The following ORC1 variants were observed in gnomAD, a reference collection of about 807,000 sequenced individuals.
ORC1 encodes origin recognition complex, subunit 1 homolog.
A neutral mutation model predicts 98.9 loss-of-function variants in ORC1; 61 were observed. The ratio of observed to expected loss-of-function variants is 0.62; its 90% CI spans 0.50 to 0.76. The LOEUF (loss-of-function observed/expected upper bound fraction) is 0.76, where lower values mean the gene tolerates loss of function less well. Among genes scored for constraint, ORC1 ranks in the 30% least tolerant of loss-of-function variants. ORC1 has a pLI of 0.00. For missense variants in ORC1, 979 were observed against 1,072.2 expected (o/e 0.91, Z 1.21); for synonymous variants, 385 against 406.9 (o/e 0.95, Z 0.65).
chr1:52,391,806 G>A (rs1047583644), intron 6 of ORC1, among the ~76,000 whole-genome samples: 6 of 150,936 alleles, frequency 4.0e-5, no homozygotes, highest in African/African-American at 1.2e-4. Flanking sequence ...GTTGAGGCAG[G>A]AGAATTGCTT....
intron 14 of ORC1, 109 bp from the exon 15 acceptor site, chr1:52,375,708 G>A (rs1194549099): frequency 1.0e-6 from 1 of 994,544 alleles, no homozygotes; most frequent in Non-Finnish European, 1.6e-6. Context: ...ACTTAGCCCT[G>A]GCAGGGAACC....
Position 52,397,743 on chromosome 1 carries a change from T to C in ORC1, c.344A>G (p.Tyr115Cys). ...RKPGAQEIFW[Y>C]DYPACDSNIN... ...GTTGCTGTCACAGGCCGGGTAATCATACCAGAATATTTCCTGTGCACCAGG... is the reference window on the plus strand; with the variant it reads ...GTTGCTGTCACAGGCCGGGTAATCACACCAGAATATTTCCTGTGCACCAGG... Residue 115 changes from tyrosine to cysteine, a missense_variant, in exon 4 of 17, where the codon TAT (tyrosine) becomes TGT (cysteine). Physicochemically the swap from Tyr to Cys is radical, Grantham distance 194. Coordinates refer to ENST00000371568, the MANE Select transcript of ORC1 (RefSeq NM_004153.4). 6.2e-7 allele frequency: 1 copy of C among 1,614,236 alleles called. No homozygotes were observed. Among genetic ancestry groups the C allele is most frequent in the Non-Finnish European group, 8.5e-7 (1 of 1,180,044 alleles).
At chr1:52,381,950 CTAT>C (rs1160155436) in intron 13 of ORC1, among the ~76,000 whole-genome samples, 189 bp from the exon 14 acceptor site, 2 of 152,082 alleles carry the variant, frequency 1.3e-5, no homozygotes, top group South Asian at 2.1e-4. Flanking sequence ...AGTTTTTGAA[CTAT>C]TTTTTCATTT....
chr1:52,396,292 A>G lies in ORC1; in HGVS notation c.475T>C (p.Ser159Pro). ...GGCCTGAATTTCTTCTCATTCCAGG[A>G]TAGTTTCACAAAGAGTGTCTTCTCA... is the stretch of plus-strand genomic sequence containing the variant. ...KNEKTLFVKL[S>P]WNEKKFRPLS... is the part of the protein sequence containing the mutation. Residue 159 changes from serine (S) to proline (P), a missense_variant, in exon 5 of 17, where the codon TCC (serine) becomes CCC (proline). By Grantham distance (74) the Ser-to-Pro change is moderately conservative. Coordinates refer to ENST00000371568, the MANE Select transcript of ORC1 (RefSeq NM_004153.4). 6.2e-7 allele frequency: 1 copy of G among 1,614,200 alleles called. No individual in the cohort carries two copies. The highest frequency in any genetic ancestry group is 8.5e-7 in the Non-Finnish European group (1 of 1,180,042).
upstream of ORC1, among the ~76,000 whole-genome samples, chr1:52,407,742 G>A (rs1213719397): frequency 6.6e-6 from 1 of 151,834 alleles, no homozygotes; most frequent in African/African-American, 2.4e-5. Flanking sequence ...CCAACATGGG[G>A]AAACCCCGTC....
intron 5 of ORC1, among the ~76,000 whole-genome samples, chr1:52,395,592 C>A (rs931159872): frequency 7.9e-5 from 12 of 152,192 alleles, no homozygotes; most frequent in Non-Finnish European, 1.5e-4. Context: ...GCGGGTGGAT[C>A]ACTTGAGCCC....
chr1:52,375,558 G>A lies in ORC1; in HGVS notation c.2175C>T (p.Ile725=). Residue 725 remains isoleucine, a synonymous_variant, in exon 15 of 17, where the codon ATC becomes ATT. Coordinates refer to ENST00000371568, the MANE Select transcript of ORC1 (RefSeq NM_004153.4). ...LSGDARRCLD[I]CRRATEICEF... ...CACAGATCTCTGTGGCACGCCTGCA[G>A]ATGTCCAGGCACCGTCGTGCATCTC... 6.2e-7 allele frequency: 1 copy of A among 1,614,168 alleles called. No individual in the cohort carries two copies. The highest frequency in any genetic ancestry group is 8.5e-7 in the Non-Finnish European group (1 of 1,180,008).
chr1:52,402,793 G>A (rs533479463), intron 1 of ORC1, among the ~76,000 whole-genome samples: 77 of 152,244 alleles, frequency 5.1e-4, no homozygotes, highest in African/African-American at 1.8e-3. Context: ...AATCAGGTGG[G>A]CATGGTGGCA....
chr1:52,377,897 C>T (rs1647015190), intron 14 of ORC1, among the ~76,000 whole-genome samples: 1 of 151,958 alleles, frequency 6.6e-6, no homozygotes, highest in Admixed American at 6.6e-5. Flanking sequence ...AGAATCAGAC[C>T]CCTAAAGACT....
At chr1:52,379,771 A>G (rs182660859) in intron 14 of ORC1, among the ~76,000 whole-genome samples, 31 of 151,798 alleles carry the variant, frequency 2.0e-4, no homozygotes, top group African/African-American at 5.1e-4. Flanking sequence ...TGTCTCTACT[A>G]AAAATACAAA....
At position 52,396,227 on chromosome 1, in the gene ORC1, T is replaced by C. The variant is rs3087482; in HGVS notation, c.540A>G (p.Gln180=). ...SELFAELNKP[Q]ESAAKCQKPV... is the part of the protein sequence containing the mutation. Reference sequence around the variant, plus strand: ...GTTTCTGGCACTTGGCTGCACTCTCTTGTGGTTTATTCAACTCCGCAAATA... The same window carrying C: ...GTTTCTGGCACTTGGCTGCACTCTCCTGTGGTTTATTCAACTCCGCAAATA... Residue 180 remains glutamine (Q), a synonymous_variant, in exon 5 of 17, where the codon CAA becomes CAG. Transcript: ENST00000371568. The C allele has an allele frequency of 4.3e-6, 7 of 1,614,158 alleles. No homozygotes were observed. In the East Asian group the frequency reaches 6.7e-5, roughly 15 times the overall value.
chr1:52,375,633 C>A, intron 14 of ORC1, 34 bp from the exon 15 acceptor site: 1 of 1,607,604 alleles, frequency 6.2e-7, no homozygotes, highest in Non-Finnish European at 8.5e-7. Flanking sequence ...CTGAGGCCAC[C>A]TTAGCCCAGA....
At chr1:52,383,639 T>A in intron 12 of ORC1, 70 bp from the exon 13 acceptor site, 1 of 1,530,790 alleles carries the variant, frequency 6.5e-7, no homozygotes, top group Non-Finnish European at 9.0e-7. Flanking sequence ...AATGAAGACC[T>A]ATAACCACTG....
chr1:52,393,935 T>C (rs1647287792), intron 5 of ORC1, 132 bp from the exon 6 acceptor site: 1 of 1,036,270 alleles, frequency 9.6e-7, no homozygotes, highest in Non-Finnish European at 1.4e-6. Flanking sequence ...CATTCCAGGC[T>C]TGCTTTCTCC....
intron 8 of ORC1, among the ~76,000 whole-genome samples, chr1:52,387,676 C>T (rs1647161822): frequency 6.6e-6 from 1 of 152,062 alleles, no homozygotes; most frequent in Admixed American, 6.6e-5. Context: ...CCAGGCTGGT[C>T]TTGAATTCCT....
chr1:52,390,901 G>GAAAAAAA (rs112674214), intron 6 of ORC1, among the ~76,000 whole-genome samples: 2 of 77,392 alleles, frequency 2.6e-5, no homozygotes, highest in Admixed American at 1.4e-4. Context: ...TCCAAAAAAA[G>GAAAAAAA]AAAAAAAAAA....
rs111460694 is a variant in ORC1 at position 52,399,809 on chromosome 1, T to TCACACACACACA, written c.223+1541_223+1552dup. Among the ~76,000 whole-genome samples the TCACACACACACA allele has an allele frequency of 6.3e-4, 92 of 146,130 alleles. 1 individual carries two copies. The highest frequency in any genetic ancestry group is 2.2e-3 in the African/African-American group (86 of 39,500). ...GTGACACAGCAAGATTCTGTCACTG[T>TCACACACACACA]CACACACACACACACACACACACAC... On this transcript the variant is annotated intron_variant, in intron 3 of 16. Coordinates refer to ENST00000371568, the MANE Select transcript of ORC1 (RefSeq NM_004153.4).
rs999909751 is a variant in ORC1, at chr1:52,372,976, C to T, written c.*205G>A. On this transcript the variant is annotated 3_prime_UTR_variant, in exon 17 of 17. Coordinates refer to ENST00000371568, the MANE Select transcript of ORC1 (RefSeq NM_004153.4). ...GCAACATGGTGAAGCCCTGTCTCTA[C>T]AAAAAATCAGCTGGGCATGGTGGCA... 13 of 600,258 alleles carry T rather than the reference C, an allele frequency of 2.2e-5. No homozygotes were observed. The highest frequency in any genetic ancestry group is 5.4e-5 in the South Asian group (3 of 56,074). The allele number at this position is 600,258 out of a possible 1,614,324, so 37.2% of individuals were successfully genotyped here.
upstream of ORC1, chr1:52,405,645 C>T (rs1266328589): frequency 1.9e-6 from 3 of 1,607,216 alleles, no homozygotes; most frequent in South Asian, 1.1e-5. Flanking sequence ...AAGAGCTTAG[C>T]CCTAATATGT....
Sources: allele counts gnomAD v4.1 joint callset (sites outside exome capture counted in the v4.1 genomes callset), GRCh38; gene constraint gnomAD v4.1.1; transcripts MANE v1.5; gene names NCBI Gene and HGNC (gene_info 2026-07-23, HGNC 2026-07-21).